HDAC9: variants seen among roughly 807,000 people sequenced by gnomAD.
HDAC9 encodes the protein MEF-2 interacting transcription repressor (MITR) protein.
HDAC9 carries 41 observed loss-of-function variants against 139.4 expected under a neutral mutation model. That is an observed-to-expected ratio of 0.29 (90% CI 0.23 to 0.38). The LOEUF is 0.38. Among genes scored for constraint, HDAC9 ranks in the 10% least tolerant of loss-of-function variants. The pLI is 1.00. For missense variants in HDAC9, 1,147 were observed against 1,297.0 expected (o/e 0.88, Z 1.78); for synonymous variants, 517 against 476.2 (o/e 1.09, Z -1.12).
At chr7:18,923,503 C>T (rs1281593651) in intron 22 of HDAC9, among the ~76,000 whole-genome samples, 3 of 152,002 alleles carry the variant, frequency 2.0e-5, no homozygotes, top group Non-Finnish European at 4.4e-5. Flanking sequence ...GTCCTGGCAA[C>T]TCCTCTTTAT....
intron 2 of HDAC9, among the ~76,000 whole-genome samples, chr7:18,528,821 C>T (rs1365718453): frequency 6.6e-6 from 1 of 152,136 alleles, no homozygotes; most frequent in Non-Finnish European, 1.5e-5. Context: ...AGTGATACCT[C>T]TCTACCTCCA....
intron 1 of HDAC9, among the ~76,000 whole-genome samples, chr7:18,489,738 T>C (rs898983294): frequency 6.6e-6 from 1 of 152,056 alleles, no homozygotes; most frequent in Non-Finnish European, 1.5e-5. Flanking sequence ...TAAACTTCCC[T>C]TGATTCTATC....
At chr7:18,731,069 G>A (rs1306837675) in intron 13 of HDAC9, among the ~76,000 whole-genome samples, 3 of 152,192 alleles carry the variant, frequency 2.0e-5, no homozygotes, top group East Asian at 1.9e-4. Flanking sequence ...GCAAGCCGGA[G>A]TGGGGCACTG....
chr7:18,545,429 G>A (rs1313355699), intron 2 of HDAC9, among the ~76,000 whole-genome samples: 7 of 152,164 alleles, frequency 4.6e-5, no homozygotes, highest in Non-Finnish European at 7.4e-5. Context: ...GTGACCAGAA[G>A]TTGTTGAGTT....
At chr7:18,758,835 T>C (rs558702354) in intron 14 of HDAC9, among the ~76,000 whole-genome samples, 22 of 152,172 alleles carry the variant, frequency 1.4e-4, no homozygotes, top group Admixed American at 3.3e-4. Flanking sequence ...GCTCTCTTTC[T>C]GTAGAAACAT....
intron 12 of HDAC9, among the ~76,000 whole-genome samples, chr7:18,694,446 T>G (rs1782892033): frequency 6.6e-6 from 1 of 152,140 alleles, no homozygotes; most frequent in Non-Finnish European, 1.5e-5. Context: ...GATAAATGGC[T>G]AAATGGGGTT....
At position 18,274,670 on chromosome 7, in the gene HDAC9, A is replaced by G. The variant is rs149003543; in HGVS notation, c.25+112321A>G. Among the ~76,000 whole-genome samples the G allele has an allele frequency of 3.3e-4, 50 of 152,310 alleles. No homozygotes were observed. The East Asian group carries it at 6.6e-3, about 20-fold the overall frequency. ...AATTTGAGATATTTTTATGCAATGG[A>G]ATATTATGTCGGTCTGAGAAAGAAT... On this transcript the variant is annotated intron_variant, in intron 2 of 12. Coordinates refer to the HDAC9 transcript ENST00000417496.
chr7:18,099,438 A>G (rs1782709563), intron 1 of HDAC9, among the ~76,000 whole-genome samples: 1 of 152,078 alleles, frequency 6.6e-6, no homozygotes, highest in Non-Finnish European at 1.5e-5. Flanking sequence ...ACTGCACTCC[A>G]GCCTGGGCGA....
chr7:18,604,312 T>C (rs1219237728), intron 6 of HDAC9, among the ~76,000 whole-genome samples: 1 of 152,196 alleles, frequency 6.6e-6, no homozygotes, highest in Non-Finnish European at 1.5e-5. Flanking sequence ...AAAAATTGTT[T>C]TTTGCCTTTC....
intron 2 of HDAC9, among the ~76,000 whole-genome samples, chr7:18,165,628 A>G (rs1471642846): frequency 6.6e-6 from 1 of 151,926 alleles, no homozygotes; most frequent in Non-Finnish European, 1.5e-5. Flanking sequence ...CTCTACAAAA[A>G]ATTTTTTAAA....
intron 2 of HDAC9, among the ~76,000 whole-genome samples, chr7:18,245,552 G>C (rs1178586186): frequency 6.6e-6 from 1 of 152,006 alleles, no homozygotes; most frequent in Non-Finnish European, 1.5e-5. Flanking sequence ...TTTAGCCTCT[G>C]GGGGAGCCCA....
chr7:18,730,638 T>G (rs1301688061), intron 13 of HDAC9, among the ~76,000 whole-genome samples: 1 of 152,194 alleles, frequency 6.6e-6, no homozygotes, highest in African/African-American at 2.4e-5. Context: ...TTTATGGTCT[T>G]TTCCATCTTA....
intron 1 of HDAC9, among the ~76,000 whole-genome samples, chr7:18,405,551 C>T (rs1562957077): frequency 1.3e-5 from 2 of 152,006 alleles, no homozygotes; most frequent in Non-Finnish European, 2.9e-5. Flanking sequence ...AACTTTTGTT[C>T]ATCAAATCTG....
At position 18,569,045 on chromosome 7, in the gene HDAC9, C is replaced by G. The variant is rs184763703; in HGVS notation, c.23-16236C>G. Among the ~76,000 whole-genome samples, 14 of 149,854 alleles carry G rather than the reference C, an allele frequency of 9.3e-5. No individual in the cohort carries two copies. The East Asian group carries it at 2.7e-3, about 29-fold the overall frequency. On this transcript the variant is annotated intron_variant, in intron 2 of 25. Coordinates refer to ENST00000686413, the MANE Select transcript of HDAC9 (RefSeq NM_178425.4). Reference sequence around the variant, plus strand: ...CTGGGCAACAAGAGCAAAATTCTGTCTCAAAAAAATAAATAAATAAATAAA... The same window carrying G: ...CTGGGCAACAAGAGCAAAATTCTGTGTCAAAAAAATAAATAAATAAATAAA...
chr7:18,204,526 T>G (rs1380168875), intron 2 of HDAC9, among the ~76,000 whole-genome samples: 1 of 152,006 alleles, frequency 6.6e-6, no homozygotes, highest in African/African-American at 2.4e-5. Flanking sequence ...TTTTTCAGTT[T>G]CACTTTTTGA....
intron 12 of HDAC9, chr7:18,666,945 G>A: frequency 1.0e-6 from 1 of 993,500 alleles, no homozygotes; most frequent in South Asian, 4.5e-5. Flanking sequence ...TCACATCACT[G>A]TACATAATGT....
chr7:18,817,294 A>G lies in HDAC9; in HGVS notation c.2323-11867A>G, dbSNP rs775257211. On this transcript the variant is annotated intron_variant, in intron 17 of 25. Coordinates refer to ENST00000686413, the MANE Select transcript of HDAC9 (RefSeq NM_178425.4). ...CGTGATCCGCCCACCTCGGCCTCCCAAAGTGCTGGGTTTACAGGCGTGAGC... is the reference window on the plus strand; with the variant it reads ...CGTGATCCGCCCACCTCGGCCTCCCGAAGTGCTGGGTTTACAGGCGTGAGC... Among the ~76,000 whole-genome samples the G allele has an allele frequency of 3.3e-5, 5 of 152,132 alleles. No individual in the cohort carries two copies. The East Asian group carries it at 7.7e-4, about 23-fold the overall frequency.
chr7:18,913,255 C>T (rs1420683215), intron 22 of HDAC9, among the ~76,000 whole-genome samples: 13 of 152,062 alleles, frequency 8.5e-5, no homozygotes. Context: ...TGTCTAAAAT[C>T]TGTTTGTATT....
intron 2 of HDAC9, among the ~76,000 whole-genome samples, chr7:18,240,073 T>C (rs1000186928): frequency 6.6e-6 from 1 of 152,030 alleles, no homozygotes; most frequent in African/African-American, 2.4e-5. Flanking sequence ...AGAAACCTTT[T>C]AACTTGGAAC....
Sources: allele counts gnomAD v4.1 joint callset (sites outside exome capture counted in the v4.1 genomes callset), GRCh38; gene constraint gnomAD v4.1.1; transcripts MANE v1.5; gene names NCBI Gene and HGNC (gene_info 2026-07-23, HGNC 2026-07-21).